The following PAX2 variants were observed in gnomAD, a reference collection of about 807,000 sequenced individuals.
PAX2 encodes the protein paired box protein Pax-2.
A neutral mutation model predicts 41.7 loss-of-function variants in PAX2; 9 were observed. That is an observed-to-expected ratio of 0.22 (90% CI 0.13 to 0.38). The LOEUF (loss-of-function observed/expected upper bound fraction) is 0.38. Ranked by LOEUF, PAX2 falls within the 10% of genes least tolerant of loss-of-function variation. PAX2 has a pLI of 1.00. For missense variants in PAX2, 418 were observed against 531.6 expected, an observed-to-expected ratio of 0.79 and a Z score of 2.10; for synonymous variants, 221 against 212.7, an observed-to-expected ratio of 1.04 and a Z score of -0.34.
intron 5 of PAX2, among the ~76,000 whole-genome samples, chr10:100,790,267 C>T (rs1350940016): frequency 6.6e-6 from 1 of 152,208 alleles, no homozygotes; most frequent in Non-Finnish European, 1.5e-5. Flanking sequence ...CTGTATGTGT[C>T]CATCCACCGC....
intron 3 of PAX2, among the ~76,000 whole-genome samples, chr10:100,772,420 C>T (rs897577260): frequency 5.3e-5 from 8 of 152,214 alleles, no homozygotes; most frequent in Non-Finnish European, 8.8e-5. Context: ...TCCCAAAGTG[C>T]TGGGATTATA....
chr10:100,828,940 C>CCCCCCCAG lies in PAX2; in HGVS notation c.*1321_*1322insCCCCCCAG. 4.5e-6 allele frequency: 1 copy of CCCCCCCAG among 220,288 alleles called. No homozygotes were observed. The allele number at this position is 220,288 out of a possible 1,614,324, so 13.6% of individuals were successfully genotyped here. A position where few individuals can be genotyped will look rare whatever the true frequency, so the allele number is the denominator to read the frequency against. ...CCCTCCGCCCCGCCCCGCCCGGCCC[C>CCCCCCCAG]GTAGAGTCCCTGTCGCCCGCCGGCC... On this transcript the variant is annotated 3_prime_UTR_variant, in exon 10 of 10. Coordinates refer to ENST00000355243, the MANE Select transcript of PAX2 (RefSeq NM_000278.5). The surrounding 1 kb of genome is among the most constrained non-coding windows in gnomAD (Gnocchi z 6.5).
intron 5 of PAX2, among the ~76,000 whole-genome samples, chr10:100,782,082 C>T (rs1001161849): frequency 6.6e-6 from 1 of 152,108 alleles, no homozygotes; most frequent in African/African-American, 2.4e-5. Flanking sequence ...CCTTGGTGAC[C>T]ATCTGGTTCT....
intron 7 of PAX2, 80 bp downstream of exon 7, chr10:100,809,316 AGGAGCAGGT>A: frequency 7.5e-7 from 1 of 1,329,810 alleles, no homozygotes; most frequent in East Asian, 2.3e-5. Flanking sequence ...GCCCAGTGTG[AGGAGCAGGT>A]CCCCCACCGT....
chr10:100,749,926 G>C lies in PAX2; in HGVS notation c.212+12G>C. Reference sequence around the variant, plus strand: ...AAAATCCTGGGCAGGTGAGGGCTTCGCAGCTGTCCCGGGAGACGCCTTGCC... The same window carrying C: ...AAAATCCTGGGCAGGTGAGGGCTTCCCAGCTGTCCCGGGAGACGCCTTGCC... On this transcript the variant is annotated intron_variant, in intron 2 of 9. Transcript: ENST00000355243. 1.2e-6 allele frequency: 2 copies of C among 1,610,424 alleles called. No individual in the cohort carries two copies. The highest frequency in any genetic ancestry group is 8.5e-7 in the Non-Finnish European group (1 of 1,179,498).
At chr10:100,812,111 G>A (rs1848008872) in intron 7 of PAX2, among the ~76,000 whole-genome samples, 1 of 152,192 alleles carries the variant, frequency 6.6e-6, no homozygotes, top group African/African-American at 2.4e-5. Flanking sequence ...TGCAAGCAAG[G>A]GTGGCTGCCG....
upstream of PAX2, among the ~76,000 whole-genome samples, chr10:100,744,945 G>A (rs1314080449): frequency 1.3e-5 from 2 of 152,230 alleles, no homozygotes; most frequent in Non-Finnish European, 2.9e-5. Context: ...GAGAAGTGGG[G>A]GGTGCGTGGG....
intron 3 of PAX2, among the ~76,000 whole-genome samples, chr10:100,765,617 G>A (rs938639248): frequency 6.6e-6 from 1 of 152,146 alleles, no homozygotes; most frequent in Non-Finnish European, 1.5e-5. Flanking sequence ...CAAGTCAAGG[G>A]CTGCCTATTC....
rs1421333423 is a variant in PAX2, at chr10:100,795,770, G to C, written c.617-10660G>C. Among the ~76,000 whole-genome samples the C allele has an allele frequency of 2.0e-5, 3 of 152,214 alleles. No homozygotes were observed. In the South Asian group the frequency reaches 6.2e-4, roughly 32 times the overall value. On this transcript the variant is annotated intron_variant, in intron 5 of 9. Coordinates refer to ENST00000355243, the MANE Select transcript of PAX2 (RefSeq NM_000278.5). ...AACAGCAGTTTTAGGGTCCTGTGTGGACCTGGGAAAGTTCACTGAAATGGC... is the reference window on the plus strand; with the variant it reads ...AACAGCAGTTTTAGGGTCCTGTGTGCACCTGGGAAAGTTCACTGAAATGGC...
chr10:100,757,990 C>T (rs1262697088), intron 3 of PAX2, among the ~76,000 whole-genome samples: 1 of 152,166 alleles, frequency 6.6e-6, no homozygotes, highest in Non-Finnish European at 1.5e-5. Context: ...CCAGGGTCCC[C>T]TCATGGCACA....
Position 100,760,933 on chromosome 10 carries a change from G to T in PAX2, c.410+10042G>T, listed in dbSNP as rs549561092. On this transcript the variant is annotated intron_variant, in intron 3 of 9. Transcript: ENST00000355243. ...CTGACACTAGGGCAGGCAGCCTGCC[G>T]ACTGTGACTGTCTGGAGTCTGGGAG... Among the ~76,000 whole-genome samples the T allele has an allele frequency of 1.8e-4, 27 of 152,276 alleles. No individual in the cohort carries two copies. The East Asian group carries it at 5.0e-3, about 28-fold the overall frequency.
At chr10:100,759,840 G>C (rs749720876) in intron 3 of PAX2, among the ~76,000 whole-genome samples, 1 of 152,174 alleles carries the variant, frequency 6.6e-6, no homozygotes, top group Non-Finnish European at 1.5e-5. Flanking sequence ...TGAGCACTGG[G>C]GGCTGCTCTC....
chr10:100,829,863 G>C lies in PAX2; in HGVS notation c.*2244G>C, dbSNP rs904678957. 2 of 187,890 alleles carry C rather than the reference G, an allele frequency of 1.1e-5. No homozygotes were observed. Among genetic ancestry groups the C allele is most frequent in the Non-Finnish European group, 2.2e-5 (2 of 88,988 alleles). The allele number at this position is 187,890 out of a possible 1,614,324, so 11.6% of individuals were successfully genotyped here. A position where few individuals can be genotyped will look rare whatever the true frequency, so the allele number is the denominator to read the frequency against. The stretch of plus-strand genomic sequence containing the variant: ...CTCCTCGGCCACTTTCAGTGCGTCG[G>C]TTCGTTTTGATTCTTTTTCTTTTGT... On this transcript the variant is annotated 3_prime_UTR_variant, in exon 10 of 10. Coordinates refer to ENST00000355243, the MANE Select transcript of PAX2 (RefSeq NM_000278.5).
chr10:100,777,928 T>C (rs1159983685), intron 3 of PAX2, among the ~76,000 whole-genome samples: 1 of 152,248 alleles, frequency 6.6e-6, no homozygotes, highest in Non-Finnish European at 1.5e-5. Flanking sequence ...CCCTTGCCTG[T>C]CTCCACTCAT....
rs1007124122 is a variant in PAX2, at chr10:100,750,262, C to G, written c.212+348C>G. ...TGGGGGGGGAGTGAAAATGGGTCCC[C>G]GAGAGGAGAAGCAGCAGCATTTGGG... On this transcript the variant is annotated intron_variant, in intron 2 of 9. Transcript: ENST00000355243. This position sits in a 1 kb window ranked among gnomAD's most constrained non-coding sequence, Gnocchi z 4.1. Among the ~76,000 whole-genome samples, 1 of 151,942 alleles carries G rather than the reference C, an allele frequency of 6.6e-6. No homozygotes were observed. Among genetic ancestry groups the G allele is most frequent in the South Asian group, 2.1e-4 (1 of 4,796 alleles).
At chr10:100,808,629 G>T (rs1387169361) in intron 6 of PAX2, among the ~76,000 whole-genome samples, 1 of 152,036 alleles carries the variant, frequency 6.6e-6, no homozygotes, top group Non-Finnish European at 1.5e-5. Flanking sequence ...ACAGCGAGGG[G>T]CCCATGGGGC....
In PAX2 at chr10:100,826,156, C is replaced by T. The variant is rs1427549899; in HGVS notation, c.1022-853C>T. 6.6e-6 allele frequency among the ~76,000 whole-genome samples: 1 copy of T among 152,134 alleles called. No individual in the cohort carries two copies. Among genetic ancestry groups the T allele is most frequent in the Non-Finnish European group, 1.5e-5 (1 of 68,012 alleles). ...CTCAGAAGCTCATTATCCTGCTGCACGCATGCTTTCCCTCCTCGTCAATAA... is the reference window on the plus strand; with the variant it reads ...CTCAGAAGCTCATTATCCTGCTGCATGCATGCTTTCCCTCCTCGTCAATAA... On this transcript the variant is annotated intron_variant, in intron 8 of 9. Transcript: ENST00000355243. The surrounding 1 kb of genome is among the most constrained non-coding windows in gnomAD (Gnocchi z 5.5).
intron 7 of PAX2, among the ~76,000 whole-genome samples, chr10:100,809,973 C>T (rs907038952): frequency 4.6e-5 from 7 of 152,248 alleles, no homozygotes; most frequent in South Asian, 2.1e-4. Context: ...CGTGCCACTG[C>T]AGAAGGGTTT....
chr10:100,802,685 G>C (rs924694753), intron 5 of PAX2, among the ~76,000 whole-genome samples: 1 of 152,160 alleles, frequency 6.6e-6, no homozygotes, highest in East Asian at 1.9e-4. Flanking sequence ...TGGAGCTGCA[G>C]AAATGCATTA....
Sources: gnomAD v4.1 joint callset for allele counts (sites outside exome capture counted in the v4.1 genomes callset) on GRCh38, gnomAD v4.1.1 for gene constraint, Gnocchi (gnomAD v3.1) non-coding constraint, MANE v1.5 for transcripts, NCBI Gene and HGNC (gene_info 2026-07-23, HGNC 2026-07-21) for gene names.